CCDC30: variants seen among roughly 807,000 people sequenced by gnomAD.
CCDC30 encodes the protein coiled-coil domain-containing protein 30.
CCDC30 carries 70 observed loss-of-function variants against 100.2 expected under a neutral mutation model. The observed-to-expected ratio is 0.70, with a 90% CI of 0.58 to 0.85. CCDC30 has a LOEUF of 0.85. Among genes scored for constraint, CCDC30 ranks in the 40% least tolerant of loss-of-function variants. CCDC30 has a pLI of 0.00. For missense variants in CCDC30, 652 were observed against 771.2 expected (o/e 0.85, Z 1.83); for synonymous variants, 233 against 269.5 (o/e 0.86, Z 1.33).
chr1:42,459,157 T>A (rs76118079), upstream of CCDC30: 1 of 65,646 alleles, frequency 1.5e-5, no homozygotes, highest in African/African-American at 6.6e-5. Context: ...AGCCAAGGCT[T>A]TTTTTTTTTT....
intron 10 of CCDC30, among the ~76,000 whole-genome samples, chr1:42,603,757 C>G (rs1314695927): frequency 6.6e-6 from 1 of 152,174 alleles, no homozygotes; most frequent in Non-Finnish European, 1.5e-5. Context: ...CCATATGATC[C>G]AGAAACCATG....
At chr1:42,509,549 A>T (rs933452390) in intron 6 of CCDC30, among the ~76,000 whole-genome samples, 1 of 152,204 alleles carries the variant, frequency 6.6e-6, no homozygotes, top group Non-Finnish European at 1.5e-5. Context: ...ACTAAAACAA[A>T]GTATTGCCAT....
chr1:42,498,488 A>G (rs1228430091), intron 5 of CCDC30, among the ~76,000 whole-genome samples: 2 of 152,208 alleles, frequency 1.3e-5, no homozygotes, highest in Non-Finnish European at 2.9e-5. Context: ...CACAATAAAA[A>G]TGCAATCATA....
intron 7 of CCDC30, among the ~76,000 whole-genome samples, chr1:42,567,815 C>T (rs1016769489): frequency 1.3e-5 from 2 of 152,140 alleles, no homozygotes; most frequent in African/African-American, 4.8e-5. Flanking sequence ...TAATGCCTTA[C>T]ATATGATTGG....
At chr1:42,642,585 G>C (rs1647547115) in exon 13 of CCDC30, 2 of 1,599,338 alleles carry the variant, frequency 1.3e-6, no homozygotes, top group African/African-American at 2.7e-5. Flanking sequence ...AGCAACAAAT[G>C]GACGATATCT....
chr1:42,505,869 C>T (rs911039523), intron 6 of CCDC30, among the ~76,000 whole-genome samples: 9 of 152,334 alleles, frequency 5.9e-5, no homozygotes, highest in African/African-American at 1.9e-4. Context: ...CCCCAAAGGG[C>T]TTTTATTGGC....
chr1:42,471,777 T>G (rs1643777843), intron 1 of CCDC30, among the ~76,000 whole-genome samples: 1 of 152,204 alleles, frequency 6.6e-6, no homozygotes, highest in Non-Finnish European at 1.5e-5. Flanking sequence ...TCAGTATGAG[T>G]ATCAGCTGAT....
chr1:42,575,953 T>C (rs1557867068), intron 7 of CCDC30, among the ~76,000 whole-genome samples: 1 of 152,072 alleles, frequency 6.6e-6, no homozygotes, highest in East Asian at 1.9e-4. Flanking sequence ...ATTTGGTGTA[T>C]TGGAAACTCT....
At position 42,586,474 on chromosome 1, in the gene CCDC30, T is replaced by TA. The variant is rs989898587; in HGVS notation, c.1002-2837dup. Among the ~76,000 whole-genome samples the TA allele has an allele frequency of 1.3e-3, 196 of 150,292 alleles. 1 individual carries two copies. The highest frequency in any genetic ancestry group is 4.6e-3 in the African/African-American group (188 of 40,982). On this transcript the variant is annotated intron_variant, in intron 9 of 16. Transcript: ENST00000668663. ...GGCATACCCAACATGCCCAGCTAAT[T>TA]AAAAAAAAAATTTAGAGACAGGATC...
intron 1 of CCDC30, among the ~76,000 whole-genome samples, chr1:42,477,670 A>G (rs1414667852): frequency 6.6e-6 from 1 of 152,204 alleles, no homozygotes; most frequent in African/African-American, 2.4e-5. Flanking sequence ...CACATTCTTC[A>G]AATTAGACTT....
chr1:42,642,556 G>A (rs1011285332), exon 13 of CCDC30: 3 of 1,604,016 alleles, frequency 1.9e-6, no homozygotes, highest in South Asian at 2.3e-5. Context: ...AAGTCATAGA[G>A]CAAGAACAGT....
chr1:42,533,731 G>A (rs1392898006), intron 6 of CCDC30: 1 of 152,296 alleles, frequency 6.6e-6, no homozygotes, highest in Non-Finnish European at 1.5e-5. Flanking sequence ...GACTGTGCCT[G>A]TGAGAGGGCG....
Position 42,598,904 on chromosome 1 carries a change from A to G in CCDC30, c.1164+9421A>G, listed in dbSNP as rs147562396. Among the ~76,000 whole-genome samples the G allele has an allele frequency of 6.2e-3, 938 of 152,290 alleles. 2 individuals are homozygous for G. Among genetic ancestry groups the G allele is most frequent in the Non-Finnish European group, 9.9e-3 (673 of 68,032 alleles). On this transcript the variant is annotated intron_variant, in intron 10 of 16. Transcript: ENST00000668663. ...AGTGAGACTCTGTCTCAACAACAACAACAAAAATTGTTTCTAAGTGAAGGA... is the reference window on the plus strand; with the variant it reads ...AGTGAGACTCTGTCTCAACAACAACGACAAAAATTGTTTCTAAGTGAAGGA...
chr1:42,578,011 CAT>C (rs1052935973), intron 8 of CCDC30, among the ~76,000 whole-genome samples: 33 of 152,086 alleles, frequency 2.2e-4, no homozygotes, highest in Non-Finnish European at 2.9e-5. Context: ...TCACATCAAA[CAT>C]ATTTTGTAAT....
chr1:42,477,093 C>T (rs12035362), intron 1 of CCDC30, among the ~76,000 whole-genome samples: 33,875 of 116,722 alleles, frequency 0.29, 4,057 homozygotes, highest in East Asian at 0.5. Context: ...TTTTTTTTTT[C>T]CCCCCTCTAC....
rs146625335 is a variant in CCDC30 at position 42,540,613 on chromosome 1, G to T, written c.457-25683G>T. On this transcript the variant is annotated intron_variant, in intron 6 of 16. Transcript: ENST00000668663. ...TTTCACTCTTCCAAATGTTAACATG[G>T]TATCGTGTTTACCTTATCATTGTCT... Among the ~76,000 whole-genome samples, 34 of 151,572 alleles carry T rather than the reference G, an allele frequency of 2.2e-4. No individual in the cohort carries two copies. In the East Asian group the frequency reaches 5.8e-3, roughly 26 times the overall value.
At chr1:42,559,077 T>C (rs11210670) in intron 6 of CCDC30, among the ~76,000 whole-genome samples, 58,486 of 151,936 alleles carry the variant, frequency 0.38, 11,776 homozygotes, top group East Asian at 0.59. Context: ...AAAATCCTTT[T>C]CAGACAAGCA....
upstream of CCDC30, among the ~76,000 whole-genome samples, chr1:42,463,040 G>C (rs867894379): frequency 6.6e-6 from 1 of 152,200 alleles, no homozygotes; most frequent in South Asian, 2.1e-4. Flanking sequence ...AACGCCCCAA[G>C]ACAAAATGTA....
chr1:42,644,777 T>G (rs368775904), exon 14 of CCDC30: 13 of 1,612,448 alleles, frequency 8.1e-6, no homozygotes, highest in Admixed American at 1.7e-5. Flanking sequence ...TAGAGCGAAT[T>G]ATAAGGAGCA....
Sources: allele counts gnomAD v4.1 joint callset (sites outside exome capture counted in the v4.1 genomes callset), GRCh38; gene constraint gnomAD v4.1.1; transcripts MANE v1.5; gene names NCBI Gene and HGNC (gene_info 2026-07-23, HGNC 2026-07-21).